TTC28: variants seen among roughly 807,000 people sequenced by gnomAD.
TTC28 encodes the protein tetratricopeptide repeat protein 28.
Under a neutral mutation model 198.0 loss-of-function variants are expected in TTC28, and 61 were observed. The observed-to-expected ratio is 0.31, with a 90% CI of 0.25 to 0.38. The LOEUF (loss-of-function observed/expected upper bound fraction) is 0.38. Among genes scored for constraint, TTC28 ranks in the 10% least tolerant of loss-of-function variants. The pLI, the probability that TTC28 is intolerant of heterozygous loss-of-function variation, is 1.00. For missense variants in TTC28, 2,678 were observed against 3,164.0 expected, an observed-to-expected ratio of 0.85 and a Z score of 3.69; for synonymous variants, 1,171 against 1,297.8, an observed-to-expected ratio of 0.90 and a Z score of 2.10.
intron 2 of TTC28, among the ~76,000 whole-genome samples, chr22:28,611,912 C>G (rs540690437): frequency 2.0e-5 from 3 of 151,910 alleles, no homozygotes; most frequent in Admixed American, 1.3e-4. Context: ...CTGAAGGAAG[C>G]ACTGCATCAA....
At position 28,640,167 on chromosome 22, in the gene TTC28, G is replaced by C. The variant is rs537290033; in HGVS notation, c.103-10337C>G. Reference sequence around the variant, plus strand: ...ACTAAAAATACAAAAACTGAGGTGGGAGGATCACTTGAGCCTAAGGAGGTT... The same window carrying C: ...ACTAAAAATACAAAAACTGAGGTGGCAGGATCACTTGAGCCTAAGGAGGTT... On this transcript the variant is annotated intron_variant, in intron 1 of 22. Coordinates refer to ENST00000397906, the MANE Select transcript of TTC28 (RefSeq NM_001145418.2). 3.3e-5 allele frequency among the ~76,000 whole-genome samples: 5 copies of C among 151,872 alleles called. No homozygotes were observed. The East Asian group carries it at 9.7e-4, about 29-fold the overall frequency.
chr22:28,590,623 GA>G (rs2050410433), intron 2 of TTC28, among the ~76,000 whole-genome samples: 1 of 151,978 alleles, frequency 6.6e-6, no homozygotes, highest in Non-Finnish European at 1.5e-5. Context: ...TATTCTCCAG[GA>G]AAAATTTAGA....
chr22:28,045,135 A>G (rs564415354), intron 12 of TTC28, among the ~76,000 whole-genome samples: 22 of 152,316 alleles, frequency 1.4e-4, no homozygotes, highest in African/African-American at 4.8e-4. Flanking sequence ...GTTTAATCAC[A>G]TCGATAAGGC....
chr22:28,189,515 T>G (rs1447185764), intron 5 of TTC28, among the ~76,000 whole-genome samples: 2 of 150,838 alleles, frequency 1.3e-5, no homozygotes, highest in African/African-American at 2.4e-5. Context: ...TATCAAAAAC[T>G]TAAGAAATTT....
At chr22:28,595,040 A>C (rs1453827186) in intron 2 of TTC28, among the ~76,000 whole-genome samples, 2 of 152,246 alleles carry the variant, frequency 1.3e-5, no homozygotes, top group African/African-American at 2.4e-5. Flanking sequence ...CCTTTTAATA[A>C]CAAGTAGGCC....
At chr22:28,613,119 C>CA (rs972065728) in intron 2 of TTC28, among the ~76,000 whole-genome samples, 1 of 151,766 alleles carries the variant, frequency 6.6e-6, no homozygotes, top group African/African-American at 2.4e-5. Context: ...AGAGAAGAAT[C>CA]AAAAAAACAC....
At chr22:28,328,068 T>C (rs998977111) in intron 2 of TTC28, among the ~76,000 whole-genome samples, 5 of 152,036 alleles carry the variant, frequency 3.3e-5, no homozygotes, top group Non-Finnish European at 7.4e-5. Flanking sequence ...ATAAAATAAA[T>C]TGTAAAAGTG....
chr22:28,606,314 C>T (rs1480297619), intron 2 of TTC28, among the ~76,000 whole-genome samples: 2 of 152,146 alleles, frequency 1.3e-5, no homozygotes, highest in Non-Finnish European at 2.9e-5. Context: ...TGGTCTCGAA[C>T]CCCTGACCTC....
At chr22:28,366,517 T>C (rs778975291) in intron 2 of TTC28, among the ~76,000 whole-genome samples, 14 of 152,058 alleles carry the variant, frequency 9.2e-5, no homozygotes, top group Non-Finnish European at 4.4e-5. Flanking sequence ...AAGTACTTAA[T>C]AGAGGTCTGT....
intron 2 of TTC28, among the ~76,000 whole-genome samples, chr22:28,350,179 C>T (rs891097325): frequency 3.3e-5 from 5 of 152,156 alleles, no homozygotes; most frequent in African/African-American, 7.2e-5. Context: ...AAGAGCAGTA[C>T]TGAAGAGGCA....
chr22:27,998,243 T>G, intron 16 of TTC28: 1 of 480,792 alleles, frequency 2.1e-6, no homozygotes, highest in East Asian at 3.6e-5. Context: ...CAGTCATGGG[T>G]TAAATGAGGG....
At chr22:28,362,762 G>C (rs1295480783) in intron 2 of TTC28, among the ~76,000 whole-genome samples, 3 of 152,172 alleles carry the variant, frequency 2.0e-5, no homozygotes, top group Non-Finnish European at 4.4e-5. Context: ...TCAGCAAAGA[G>C]ACTGGCAGCA....
chr22:28,154,435 T>C (rs1285101753), intron 6 of TTC28, among the ~76,000 whole-genome samples: 1 of 151,806 alleles, frequency 6.6e-6, no homozygotes, highest in African/African-American at 2.4e-5. Flanking sequence ...CACTGCAAGC[T>C]TTGCCTCCCA....
Position 28,211,912 on chromosome 22 carries a change from G to C in TTC28, c.934-48313C>G, listed in dbSNP as rs1389068515. On this transcript the variant is annotated intron_variant, in intron 5 of 22. Transcript: ENST00000397906. ...CACTCCTCAGCAAATGTAAAGAACAGAAATTATAACAAACTCTCAGACCAC... is the reference window on the plus strand; with the variant it reads ...CACTCCTCAGCAAATGTAAAGAACACAAATTATAACAAACTCTCAGACCAC... Among the ~76,000 whole-genome samples the C allele has an allele frequency of 2.0e-5, 3 of 152,228 alleles. No individual in the cohort carries two copies. In the East Asian group the frequency reaches 5.8e-4, roughly 29 times the overall value.
intron 5 of TTC28, among the ~76,000 whole-genome samples, chr22:28,201,825 C>A (rs941698706): frequency 6.7e-6 from 1 of 149,562 alleles, no homozygotes; most frequent in Non-Finnish European, 1.5e-5. Context: ...TTTATGAGGA[C>A]TAGGTGAAAG....
intron 5 of TTC28, among the ~76,000 whole-genome samples, chr22:28,250,668 G>A (rs953299112): frequency 6.6e-6 from 1 of 152,108 alleles, no homozygotes; most frequent in African/African-American, 2.4e-5. Flanking sequence ...ATGCTGTATT[G>A]TCTAGAGAAT....
intron 2 of TTC28, among the ~76,000 whole-genome samples, chr22:28,494,878 T>G (rs1447551609): frequency 6.6e-6 from 1 of 151,454 alleles, no homozygotes; most frequent in East Asian, 1.9e-4. Context: ...TATAATACCC[T>G]CAGAGGGATG....
intron 2 of TTC28, among the ~76,000 whole-genome samples, chr22:28,553,655 G>T (rs1348549253): frequency 6.6e-6 from 1 of 151,876 alleles, no homozygotes; most frequent in African/African-American, 2.4e-5. Context: ...GGAGGGAGGT[G>T]GGGGTCAGCC....
chr22:28,224,457 T>C (rs1260948764), intron 5 of TTC28, among the ~76,000 whole-genome samples: 1 of 152,168 alleles, frequency 6.6e-6, no homozygotes, highest in Non-Finnish European at 1.5e-5. Flanking sequence ...TCATGGCTCT[T>C]AATACCTTGA....
Sources: gnomAD v4.1 joint callset for allele counts (sites outside exome capture counted in the v4.1 genomes callset) on GRCh38, gnomAD v4.1.1 for gene constraint, MANE v1.5 for transcripts, NCBI Gene and HGNC (gene_info 2026-07-23, HGNC 2026-07-21) for gene names.